SDK1: variants seen among roughly 807,000 people sequenced by gnomAD.
The protein encoded by SDK1 is sidekick cell adhesion molecule 1.
A neutral mutation model predicts 245.5 loss-of-function variants in SDK1; 157 were observed. The ratio of observed to expected loss-of-function variants is 0.64; its 90% confidence interval spans 0.56 to 0.73. The LOEUF is 0.73. SDK1 is among the 30% of genes least tolerant of loss of function. The probability of loss-of-function intolerance (pLI) is 0.00; values close to 1 mark genes in which losing one functional copy is unlikely to be tolerated. For missense variants in SDK1, 3,583 were observed against 3,002.3 expected (o/e 1.19, Z -4.52); for synonymous variants, 1,647 against 1,278.5 (o/e 1.29, Z -6.15).
chr7:3,408,175 C>G (rs577324860), intron 1 of SDK1, among the ~76,000 whole-genome samples: 50 of 152,046 alleles, frequency 3.3e-4, no homozygotes, highest in Admixed American at 1.6e-3. Flanking sequence ...GTAGCTGGGA[C>G]TACAGATATG....
chr7:4,062,363 A>G (rs1405608020), intron 19 of SDK1, among the ~76,000 whole-genome samples: 1 of 152,020 alleles, frequency 6.6e-6, no homozygotes, highest in Non-Finnish European at 1.5e-5. Context: ...AACCTAGGAG[A>G]AATGGATAAA....
chr7:3,452,988 A>C lies in SDK1; in HGVS notation c.298+151104A>C, dbSNP rs982628800. 1.3e-5 allele frequency among the ~76,000 whole-genome samples: 2 copies of C among 152,228 alleles called. 1 individual carries two copies. The highest frequency in any genetic ancestry group is 4.1e-4 in the South Asian group (2 of 4,826). ...ATCCTTGAGAAAACTACTCATGGCC[A>C]TTGTGGGTTTTAATGCCACTGCCAT... On this transcript the variant is annotated intron_variant, in intron 1 of 44. Transcript: ENST00000404826.
chr7:3,961,292 T>A (rs574408061), intron 8 of SDK1, among the ~76,000 whole-genome samples: 40 of 152,332 alleles, frequency 2.6e-4, no homozygotes, highest in African/African-American at 9.4e-4. Context: ...ATGGATTTTT[T>A]AATATTTCCT....
chr7:3,532,923 C>A (rs1029930455), intron 1 of SDK1, among the ~76,000 whole-genome samples: 4 of 152,134 alleles, frequency 2.6e-5, no homozygotes, highest in African/African-American at 4.8e-5. Context: ...GTCAAACACA[C>A]CATGCATCGG....
intron 1 of SDK1, among the ~76,000 whole-genome samples, chr7:3,515,000 T>A (rs1782697140): frequency 1.3e-5 from 2 of 152,224 alleles, no homozygotes; most frequent in African/African-American, 4.8e-5. Flanking sequence ...TGTAAAGTTT[T>A]CATAATGAGG....
intron 1 of SDK1, among the ~76,000 whole-genome samples, chr7:3,516,490 T>A (rs539650191): frequency 2.0e-5 from 3 of 152,136 alleles, no homozygotes; most frequent in Non-Finnish European, 4.4e-5. Flanking sequence ...AGAGCTATTT[T>A]TTACTGAGTG....
chr7:3,406,848 C>A (rs867013451), intron 1 of SDK1, among the ~76,000 whole-genome samples: 2 of 152,066 alleles, frequency 1.3e-5, no homozygotes, highest in Admixed American at 1.3e-4. Flanking sequence ...TTAATTGAAT[C>A]GAGGAGTTTC....
At chr7:4,227,355 C>T (rs781429519) in intron 40 of SDK1, 31 of 470,548 alleles carry the variant, frequency 6.6e-5, no homozygotes, top group East Asian at 2.8e-4. Flanking sequence ...GCCTGCAACA[C>T]GGGCTTTCTT....
At chr7:3,577,258 A>G (rs1256640510) in intron 1 of SDK1, among the ~76,000 whole-genome samples, 8 of 152,232 alleles carry the variant, frequency 5.3e-5, no homozygotes, top group East Asian at 3.9e-4. Context: ...GGTCCCAGTA[A>G]CAATGAGAAT....
intron 28 of SDK1, among the ~76,000 whole-genome samples, chr7:4,134,264 A>C (rs1778897787): frequency 6.6e-6 from 1 of 152,212 alleles, no homozygotes; most frequent in Non-Finnish European, 1.5e-5. Context: ...GGCATTTCTC[A>C]ATCAGGTGAC....
intron 13 of SDK1, among the ~76,000 whole-genome samples, chr7:3,986,312 G>A (rs1783822199): frequency 6.6e-6 from 1 of 151,994 alleles, no homozygotes; most frequent in Admixed American, 6.6e-5. Context: ...TTTAGTGAGT[G>A]GTTTCACCAC....
At chr7:3,678,245 A>G (rs1007542508) in intron 4 of SDK1, among the ~76,000 whole-genome samples, 1 of 152,218 alleles carries the variant, frequency 6.6e-6, no homozygotes, top group African/African-American at 2.4e-5. Context: ...TAAAAATACA[A>G]TTAACAGCAA....
intron 25 of SDK1, among the ~76,000 whole-genome samples, chr7:4,124,749 T>C (rs1784270709): frequency 6.6e-6 from 1 of 152,236 alleles, no homozygotes; most frequent in Admixed American, 6.5e-5. Context: ...TTACTTTCTG[T>C]CTTCAGACTA....
At chr7:3,436,255 T>G (rs185247914) in intron 1 of SDK1, among the ~76,000 whole-genome samples, 1 of 152,150 alleles carries the variant, frequency 6.6e-6, no homozygotes, top group African/African-American at 2.4e-5. Context: ...TGGCTGACTT[T>G]AGAAAACTTT....
intron 4 of SDK1, among the ~76,000 whole-genome samples, chr7:3,682,236 C>T (rs1784122756): frequency 1.3e-5 from 2 of 152,162 alleles, no homozygotes; most frequent in African/African-American, 4.8e-5. Context: ...ATGGAGGCAC[C>T]AGAAAATGGG....
intron 28 of SDK1, among the ~76,000 whole-genome samples, chr7:4,145,462 T>G (rs1167275178): frequency 6.6e-6 from 1 of 151,980 alleles, no homozygotes; most frequent in Admixed American, 6.5e-5. Flanking sequence ...CGTGCCCGCA[T>G]CCTAAGGAAA....
intron 31 of SDK1, among the ~76,000 whole-genome samples, chr7:4,159,050 C>T (rs2128211580): frequency 6.6e-6 from 1 of 152,314 alleles, no homozygotes; most frequent in South Asian, 2.1e-4. Context: ...GCCCAGGAGG[C>T]AGCTCTATCA....
chr7:3,993,387 T>C (rs1583762731), intron 14 of SDK1, among the ~76,000 whole-genome samples: 2 of 152,296 alleles, frequency 1.3e-5, no homozygotes, highest in South Asian at 4.2e-4. Context: ...CCTGCTGTTG[T>C]ATGTCTTGTG....
At chr7:3,684,360 G>A (rs1344635722) in intron 4 of SDK1, among the ~76,000 whole-genome samples, 1 of 152,178 alleles carries the variant, frequency 6.6e-6, no homozygotes, top group African/African-American at 2.4e-5. Context: ...CCTTCCTGGT[G>A]GTTGTAAAGT....
Sources: allele counts gnomAD v4.1 joint callset (sites outside exome capture counted in the v4.1 genomes callset), GRCh38; gene constraint gnomAD v4.1.1; transcripts MANE v1.5; gene names NCBI Gene and HGNC (gene_info 2026-07-23, HGNC 2026-07-21).